The following PDE3A variants were observed in gnomAD, a reference collection of about 807,000 sequenced individuals.
PDE3A encodes the protein cGMP-inhibited 3',5'-cyclic phosphodiesterase 3A.
PDE3A carries 43 observed loss-of-function variants against 98.3 expected under a neutral mutation model. The ratio of observed to expected loss-of-function variants is 0.44; its 90% CI spans 0.34 to 0.56. The LOEUF (loss-of-function observed/expected upper bound fraction) is 0.56. Among genes scored for constraint, PDE3A ranks in the 20% least tolerant of loss-of-function variants. The pLI, the probability that PDE3A is intolerant of heterozygous loss-of-function variation, is 0.01. For missense variants in PDE3A, 1,427 were observed against 1,440.7 expected (o/e 0.99, Z 0.15); for synonymous variants, 663 against 567.9 (o/e 1.17, Z -2.38).
intron 1 of PDE3A, among the ~76,000 whole-genome samples, chr12:20,437,529 TCC>T (rs1263904277): frequency 6.6e-6 from 1 of 152,134 alleles, no homozygotes; most frequent in African/African-American, 2.4e-5. Flanking sequence ...TGGGGAGGCC[TCC>T]AGGAGTTTTT....
chr12:20,491,509 T>A (rs1945825669), intron 1 of PDE3A, among the ~76,000 whole-genome samples: 1 of 151,998 alleles, frequency 6.6e-6, no homozygotes, highest in African/African-American at 2.4e-5. Context: ...GAAGTTAGAG[T>A]TTCTTCAGAG....
At position 20,680,209 on chromosome 12, in the gene PDE3A, GA is replaced by G; in HGVS notation, c.3366del (p.Glu1123LysfsTer23). The G allele has an allele frequency of 6.2e-7, 1 of 1,613,842 alleles. No homozygotes were observed. Reference sequence around the variant, plus strand: ...AGAACAGATCCAGGCTATCAAGGAAGAAGAAGAAGAGAAAGGGAAACCAAGA... The same window carrying G: ...AGAACAGATCCAGGCTATCAAGGAAGAGAAGAAGAGAAAGGGAAACCAAGA... ...SSEQIQAIKE[E>X]EEEKGKPRGE... On this transcript the variant is annotated frameshift_variant, in exon 16 of 16. Transcript: ENST00000359062. LOFTEE classifies it high-confidence loss of function.
chr12:20,583,736 T>TATTTA lies in PDE3A; in HGVS notation c.1011+27032_1011+27036dup, dbSNP rs1310711959. On this transcript the variant is annotated intron_variant, in intron 2 of 15. Transcript: ENST00000359062. ...TAAACCTTCAACAAATATTCATTTT[T>TATTTA]ATTTAATTTACTGTTACTAATTGGC... is the stretch of plus-strand genomic sequence containing the variant. Among the ~76,000 whole-genome samples, 6 of 152,364 alleles carry TATTTA rather than the reference T, an allele frequency of 3.9e-5. 1 individual carries two copies. The highest frequency in any genetic ancestry group is 1.4e-4 in the African/African-American group (6 of 41,588).
At chr12:20,536,441 A>G (rs898161267) in intron 1 of PDE3A, among the ~76,000 whole-genome samples, 2 of 152,022 alleles carry the variant, frequency 1.3e-5, no homozygotes, top group African/African-American at 4.8e-5. Context: ...TTTTTAGTAT[A>G]TTCACAAAGT....
At chr12:20,478,253 T>G (rs1455132676) in intron 1 of PDE3A, among the ~76,000 whole-genome samples, 3 of 152,100 alleles carry the variant, frequency 2.0e-5, no homozygotes, top group African/African-American at 7.2e-5. Context: ...ACATACCAGA[T>G]TGGAAGGAGC....
chr12:20,672,106 A>C (rs1159755265), intron 15 of PDE3A, among the ~76,000 whole-genome samples: 1 of 151,384 alleles, frequency 6.6e-6, no homozygotes, highest in African/African-American at 2.4e-5. Flanking sequence ...AATTGCTTCA[A>C]AGAGAATAAA....
intron 1 of PDE3A, among the ~76,000 whole-genome samples, chr12:20,532,637 G>C (rs1941634009): frequency 6.6e-6 from 1 of 151,224 alleles, no homozygotes; most frequent in Non-Finnish European, 1.5e-5. Flanking sequence ...AATAACATTT[G>C]GGTTGAATAG....
At chr12:20,596,593 C>T (rs769655496) in intron 2 of PDE3A, among the ~76,000 whole-genome samples, 53 of 152,226 alleles carry the variant, frequency 3.5e-4, no homozygotes, top group Non-Finnish European at 6.2e-4. Flanking sequence ...ATAGAAGTCT[C>T]CACAAGAATC....
intron 13 of PDE3A, 126 bp downstream of exon 13, chr12:20,649,017 C>T: frequency 1.6e-6 from 1 of 632,912 alleles, no homozygotes; most frequent in Non-Finnish European, 2.7e-6. Flanking sequence ...CCTCTGCCTC[C>T]TGGGTTCAAG....
At chr12:20,642,002 C>G (rs1592139880) in intron 10 of PDE3A, among the ~76,000 whole-genome samples, 2 of 152,172 alleles carry the variant, frequency 1.3e-5, no homozygotes, top group South Asian at 4.1e-4. Context: ...AAAATCTTCA[C>G]TTATCATTAG....
At chr12:20,392,049 A>G (rs867089005) in intron 1 of PDE3A, among the ~76,000 whole-genome samples, 43 of 152,104 alleles carry the variant, frequency 2.8e-4, no homozygotes, top group African/African-American at 9.9e-4. Context: ...GACCCTTAAC[A>G]CATACTAGGA....
At chr12:20,638,274 C>G (rs963875452) in intron 9 of PDE3A, among the ~76,000 whole-genome samples, 4 of 152,078 alleles carry the variant, frequency 2.6e-5, no homozygotes, top group Admixed American at 6.6e-5. Flanking sequence ...AGATAGCAGG[C>G]CTTTCTTCTA....
chr12:20,438,723 G>C (rs1944818299), intron 1 of PDE3A, among the ~76,000 whole-genome samples: 1 of 151,614 alleles, frequency 6.6e-6, no homozygotes, highest in African/African-American at 2.4e-5. Context: ...CACTGAGCCA[G>C]ACCCATGATT....
intron 1 of PDE3A, among the ~76,000 whole-genome samples, chr12:20,390,288 T>G (rs1943888859): frequency 6.6e-6 from 1 of 151,842 alleles, no homozygotes; most frequent in African/African-American, 2.4e-5. Context: ...ACATTATATT[T>G]TTTAACCAAA....
At chr12:20,662,238 G>A (rs866319215) in intron 15 of PDE3A, among the ~76,000 whole-genome samples, 10 of 152,206 alleles carry the variant, frequency 6.6e-5, no homozygotes, top group Non-Finnish European at 1.5e-4. Context: ...GGAAAGTTTG[G>A]AACTTCTAGA....
intron 2 of PDE3A, among the ~76,000 whole-genome samples, chr12:20,577,769 G>A (rs977416446): frequency 3.9e-5 from 6 of 152,076 alleles, no homozygotes; most frequent in Admixed American, 2.0e-4. Flanking sequence ...CACAGAAATG[G>A]AATTTAACAC....
At chr12:20,622,242 T>G (rs549998976) in intron 5 of PDE3A, among the ~76,000 whole-genome samples, 3 of 152,208 alleles carry the variant, frequency 2.0e-5, no homozygotes, top group East Asian at 3.9e-4. Context: ...CCTCATGACA[T>G]TGCTAGAAGC....
chr12:20,585,188 C>T (rs1294305232), intron 2 of PDE3A, among the ~76,000 whole-genome samples: 2 of 152,142 alleles, frequency 1.3e-5, no homozygotes, highest in Admixed American at 1.3e-4. Flanking sequence ...TTTTGGAAAA[C>T]TTGCTTAGTT....
At chr12:20,648,274 TTATATA>T in intron 12 of PDE3A, among the ~76,000 whole-genome samples, 1 of 150,214 alleles carries the variant, frequency 6.7e-6, no homozygotes, top group African/African-American at 2.4e-5. Context: ...ATTGGTATAA[TTATATA>T]TTATATTTAT....
Sources: allele counts gnomAD v4.1 joint callset (sites outside exome capture counted in the v4.1 genomes callset), GRCh38; gene constraint gnomAD v4.1.1; transcripts MANE v1.5; gene names NCBI Gene and HGNC (gene_info 2026-07-23, HGNC 2026-07-21).